Variants in KCNT2 observed in about 807,000 individuals in gnomAD.
KCNT2 encodes the protein potassium channel subfamily T member 2.
Under a neutral mutation model 153.8 loss-of-function variants are expected in KCNT2, and 67 were observed. The ratio of observed to expected loss-of-function variants is 0.44; its 90% CI spans 0.36 to 0.53. KCNT2 has a LOEUF of 0.53. Among genes scored for constraint, KCNT2 ranks in the 20% least tolerant of loss-of-function variants. The pLI, the probability that KCNT2 is intolerant of heterozygous loss-of-function variation, is 0.00. For synonymous variants in KCNT2, 500 were observed against 458.8 expected, an observed-to-expected ratio of 1.09 and a Z score of -1.15; for missense variants, 975 against 1,354.8, an observed-to-expected ratio of 0.72 and a Z score of 4.40.
At chr1:196,523,392 A>AC in intron 1 of KCNT2, among the ~76,000 whole-genome samples, 1 of 152,340 alleles carries the variant, frequency 6.6e-6, no homozygotes, top group East Asian at 1.9e-4. Context: ...TTCCGGACAC[A>AC]CTAGCTTAAA....
intron 1 of KCNT2, among the ~76,000 whole-genome samples, chr1:196,511,415 T>C (rs2148798306): frequency 6.6e-6 from 1 of 152,242 alleles, no homozygotes; most frequent in African/African-American, 2.4e-5. Context: ...AACATCATCA[T>C]TGCATGAACT....
At chr1:196,382,411 T>C (rs1669590582) in intron 13 of KCNT2, among the ~76,000 whole-genome samples, 1 of 152,062 alleles carries the variant, frequency 6.6e-6, no homozygotes, top group Admixed American at 6.6e-5. Context: ...CCGGCCTGTT[T>C]AACCAAATAT....
intron 1 of KCNT2, among the ~76,000 whole-genome samples, chr1:196,596,407 C>T (rs947423068): frequency 3.9e-5 from 6 of 152,006 alleles, no homozygotes; most frequent in African/African-American, 1.2e-4. Flanking sequence ...TTTTTGACTT[C>T]ATAATCATGG....
At chr1:196,604,986 C>T (rs1427683239) in intron 1 of KCNT2, among the ~76,000 whole-genome samples, 2 of 152,184 alleles carry the variant, frequency 1.3e-5, no homozygotes, top group African/African-American at 4.8e-5. Flanking sequence ...ACATTTCCTA[C>T]ACCTAATAGG....
At chr1:196,282,402 TAATG>T in intron 23 of KCNT2, 46 bp from the exon 24 acceptor site, 3 of 932,860 alleles carry the variant, frequency 3.2e-6, no homozygotes, top group Non-Finnish European at 5.2e-6. Context: ...TATTTATATA[TAATG>T]TGTATGAGAT....
At chr1:196,312,554 C>T (rs970098295) in intron 21 of KCNT2, among the ~76,000 whole-genome samples, 2 of 151,710 alleles carry the variant, frequency 1.3e-5, no homozygotes, top group African/African-American at 2.4e-5. Context: ...CAATGTGATA[C>T]GTGCATGCAT....
At chr1:196,472,361 T>G (rs1678173918) in intron 5 of KCNT2, among the ~76,000 whole-genome samples, 1 of 152,234 alleles carries the variant, frequency 6.6e-6, no homozygotes, top group Non-Finnish European at 1.5e-5. Context: ...TAGAAATGAT[T>G]AAACTTGTAA....
chr1:196,541,077 A>C (rs1205129782), intron 1 of KCNT2, among the ~76,000 whole-genome samples: 1 of 151,206 alleles, frequency 6.6e-6, no homozygotes, highest in African/African-American at 2.4e-5. Flanking sequence ...AAATAAATAA[A>C]TAAATAAATA....
At chr1:196,442,959 A>C (rs746401633) in intron 8 of KCNT2, among the ~76,000 whole-genome samples, 64 of 151,598 alleles carry the variant, frequency 4.2e-4, no homozygotes, top group Non-Finnish European at 8.1e-4. Context: ...CCACACATAC[A>C]TATATAGCTC....
At chr1:196,527,640 G>A (rs774268314) in intron 1 of KCNT2, among the ~76,000 whole-genome samples, 4 of 152,066 alleles carry the variant, frequency 2.6e-5, no homozygotes, top group Non-Finnish European at 2.9e-5. Flanking sequence ...GCTCTTGAAA[G>A]TTGCATATAT....
At chr1:196,288,459 G>T (rs1176910531) in intron 22 of KCNT2, among the ~76,000 whole-genome samples, 1 of 152,046 alleles carries the variant, frequency 6.6e-6, no homozygotes, top group Non-Finnish European at 1.5e-5. Context: ...TTAAGAGGAG[G>T]AGTGATACGA....
chr1:196,475,339 G>T lies in KCNT2; in HGVS notation c.384+3840C>A, dbSNP rs113846175. Among the ~76,000 whole-genome samples, 1,052 of 152,146 alleles carry T rather than the reference G, an allele frequency of 6.9e-3. 11 individuals carry two copies. The highest frequency in any genetic ancestry group is 0.022 in the African/African-American group (921 of 41,494). On this transcript the variant is annotated intron_variant, in intron 5 of 27. Transcript: ENST00000294725. ...TCTTTAAAAAATCTAACTTAGCCAG[G>T]CATGGTGGCTCATGCCTATAATCCC...
intron 1 of KCNT2, among the ~76,000 whole-genome samples, chr1:196,554,067 C>A (rs1408793872): frequency 6.6e-6 from 1 of 150,430 alleles, no homozygotes; most frequent in African/African-American, 2.4e-5. Context: ...AAACTCTTGC[C>A]AAACATCAAA....
chr1:196,359,838 C>T (rs772787827), intron 14 of KCNT2, among the ~76,000 whole-genome samples: 4 of 151,612 alleles, frequency 2.6e-5, no homozygotes, highest in African/African-American at 4.8e-5. Flanking sequence ...TATTTAGGAT[C>T]ATGTAATTTG....
chr1:196,592,317 G>T (rs1480664302), intron 1 of KCNT2, among the ~76,000 whole-genome samples: 1 of 151,688 alleles, frequency 6.6e-6, no homozygotes, highest in Non-Finnish European at 1.5e-5. Flanking sequence ...TGAAGTCATG[G>T]AGACAGAAAG....
At chr1:196,573,017 G>A (rs1186489298) in intron 1 of KCNT2, among the ~76,000 whole-genome samples, 2 of 151,936 alleles carry the variant, frequency 1.3e-5, no homozygotes, top group Non-Finnish European at 2.9e-5. Flanking sequence ...TTGTCTCTTC[G>A]GGATTTTAAA....
At chr1:196,344,774 A>C (rs552132873) in intron 14 of KCNT2, among the ~76,000 whole-genome samples, 2 of 152,336 alleles carry the variant, frequency 1.3e-5, no homozygotes, top group South Asian at 4.1e-4. Flanking sequence ...AGGACAGTTC[A>C]GATAAATTTT....
At chr1:196,574,406 A>G (rs943749000) in intron 1 of KCNT2, among the ~76,000 whole-genome samples, 19 of 151,960 alleles carry the variant, frequency 1.3e-4, no homozygotes, top group African/African-American at 4.6e-4. Context: ...GTTCTGTCTC[A>G]TTTTAGAAAG....
At chr1:196,573,609 T>C (rs762664467) in intron 1 of KCNT2, among the ~76,000 whole-genome samples, 3 of 151,520 alleles carry the variant, frequency 2.0e-5, no homozygotes, top group Admixed American at 6.6e-5. Flanking sequence ...TTTCAAACAC[T>C]AAATAACTAA....
Sources: allele counts gnomAD v4.1 joint callset (sites outside exome capture counted in the v4.1 genomes callset), GRCh38; gene constraint gnomAD v4.1.1; transcripts MANE v1.5; gene names NCBI Gene and HGNC (gene_info 2026-07-23, HGNC 2026-07-21).